MAGI2: variants seen among roughly 807,000 people sequenced by gnomAD.
MAGI2 encodes the protein membrane associated guanylate kinase, WW and PDZ domain containing 2.
A neutral mutation model predicts 133.3 loss-of-function variants in MAGI2; 35 were observed. That is an observed-to-expected ratio of 0.26 (90% CI 0.20 to 0.35). The LOEUF is 0.35. Among genes scored for constraint, MAGI2 ranks in the 10% least tolerant of loss-of-function variants. The pLI is 1.00. For missense variants in MAGI2, 1,636 were observed against 1,863.4 expected, an observed-to-expected ratio of 0.88 and a Z score of 2.25; for synonymous variants, 729 against 710.6, an observed-to-expected ratio of 1.03 and a Z score of -0.41.
intron 2 of MAGI2, among the ~76,000 whole-genome samples, chr7:78,735,699 A>T (rs529395316): frequency 2.6e-5 from 4 of 152,260 alleles, no homozygotes; most frequent in African/African-American, 9.6e-5. Flanking sequence ...ATGAGTTCTG[A>T]TTTATTTTCC....
intron 2 of MAGI2, among the ~76,000 whole-genome samples, chr7:78,932,358 C>A (rs1800201010): frequency 6.6e-6 from 1 of 152,084 alleles, no homozygotes; most frequent in South Asian, 2.1e-4. Context: ...CACAGGAATT[C>A]AAGTTGTTGG....
chr7:79,319,322 C>A (rs1838993234), intron 1 of MAGI2, among the ~76,000 whole-genome samples: 1 of 152,266 alleles, frequency 6.6e-6, no homozygotes, highest in South Asian at 2.1e-4. Context: ...ATTTCTATGG[C>A]ATGACTATTT....
rs145038270 is a variant in MAGI2, at chr7:79,436,853, C to T, written c.301+16167G>A. On this transcript the variant is annotated intron_variant, in intron 1 of 21. Transcript: ENST00000354212. ...CAGTAATCCCATTACTGGGTATATA[C>T]CTAACAAAAATAGATTGTTCTATCA... Among the ~76,000 whole-genome samples, 19 of 152,186 alleles carry T rather than the reference C, an allele frequency of 1.2e-4. No individual in the cohort carries two copies. The East Asian group carries it at 3.7e-3, about 29-fold the overall frequency.
chr7:79,376,909 T>C (rs972663349), intron 1 of MAGI2, among the ~76,000 whole-genome samples: 1 of 151,670 alleles, frequency 6.6e-6, no homozygotes, highest in Non-Finnish European at 1.5e-5. Context: ...TGCAGCTTCC[T>C]GTGTATGTGC....
intron 5 of MAGI2, among the ~76,000 whole-genome samples, chr7:78,496,660 C>G (rs933014594): frequency 2.0e-5 from 3 of 152,150 alleles, no homozygotes; most frequent in Admixed American, 6.6e-5. Flanking sequence ...AGTGAAAGAG[C>G]TCTGTGACCT....
At chr7:79,271,666 A>ATTTTTT (rs71518912) in intron 1 of MAGI2, among the ~76,000 whole-genome samples, 1 of 141,808 alleles carries the variant, frequency 7.1e-6, no homozygotes. Flanking sequence ...GGTGTGAGTG[A>ATTTTTT]TTTTTTTTTT....
At chr7:78,571,318 T>C (rs1353764628) in intron 3 of MAGI2, among the ~76,000 whole-genome samples, 1 of 152,234 alleles carries the variant, frequency 6.6e-6, no homozygotes, top group African/African-American at 2.4e-5. Context: ...CTTTGGCTCC[T>C]GTTCTCAGTT....
chr7:78,494,350 A>G (rs1336573092), intron 5 of MAGI2, among the ~76,000 whole-genome samples: 1 of 152,166 alleles, frequency 6.6e-6, no homozygotes, highest in Admixed American at 6.6e-5. Flanking sequence ...TAATCTACAT[A>G]TGAATATTTG....
At chr7:78,766,600 C>A (rs1354458929) in intron 2 of MAGI2, among the ~76,000 whole-genome samples, 1 of 152,192 alleles carries the variant, frequency 6.6e-6, no homozygotes, top group Non-Finnish European at 1.5e-5. Context: ...CTTAAACACT[C>A]TGAAGTTTGA....
At chr7:78,612,761 C>A (rs963760678) in intron 3 of MAGI2, among the ~76,000 whole-genome samples, 2 of 152,096 alleles carry the variant, frequency 1.3e-5, no homozygotes, top group Admixed American at 6.5e-5. Context: ...CCTCCGCCTC[C>A]CAGGTTCATG....
At chr7:79,246,401 G>T (rs1428018044) in intron 1 of MAGI2, among the ~76,000 whole-genome samples, 1 of 152,034 alleles carries the variant, frequency 6.6e-6, no homozygotes, top group African/African-American at 2.4e-5. Flanking sequence ...GAAAACTCAA[G>T]ATAACACAAA....
intron 2 of MAGI2, among the ~76,000 whole-genome samples, chr7:78,644,430 C>T (rs2150996040): frequency 6.6e-6 from 1 of 152,108 alleles, no homozygotes; most frequent in South Asian, 2.1e-4. Context: ...GTTTCAATGC[C>T]TTTATACAAG....
intron 1 of MAGI2, among the ~76,000 whole-genome samples, chr7:79,289,786 T>C (rs1441082595): frequency 6.6e-6 from 1 of 152,170 alleles, no homozygotes; most frequent in African/African-American, 2.4e-5. Flanking sequence ...GCAGTGTCAT[T>C]TTAGGAACCT....
chr7:78,051,715 G>T (rs554556716), intron 21 of MAGI2, among the ~76,000 whole-genome samples: 1 of 152,178 alleles, frequency 6.6e-6, no homozygotes, highest in East Asian at 1.9e-4. Flanking sequence ...CTCCCAAATA[G>T]CTGGGACTAT....
At chr7:78,621,719 G>C (rs532033283) in intron 3 of MAGI2, among the ~76,000 whole-genome samples, 2 of 151,968 alleles carry the variant, frequency 1.3e-5, no homozygotes, top group Non-Finnish European at 2.9e-5. Context: ...GGAAGTAACA[G>C]AATTGCTCTT....
intron 1 of MAGI2, among the ~76,000 whole-genome samples, chr7:79,161,405 C>T (rs540184954): frequency 8.5e-5 from 13 of 152,136 alleles, no homozygotes; most frequent in South Asian, 8.3e-4. Flanking sequence ...CTGTACTTTT[C>T]GATAACAATG....
Position 79,140,832 on chromosome 7 carries a change from A to T in MAGI2, c.302-133626T>A, listed in dbSNP as rs977745346. Among the ~76,000 whole-genome samples, 12 of 152,308 alleles carry T rather than the reference A, an allele frequency of 7.9e-5. No homozygotes were observed. In the East Asian group the frequency reaches 2.1e-3, roughly 27 times the overall value. On this transcript the variant is annotated intron_variant, in intron 1 of 21. Transcript: ENST00000354212. ...ACAGTATGTAATCACAATGTAAAAAATTACGAGATTATTTTAAGATATTTT... is the reference window on the plus strand; with the variant it reads ...ACAGTATGTAATCACAATGTAAAAATTTACGAGATTATTTTAAGATATTTT...
At chr7:78,134,955 T>A in intron 17 of MAGI2, 66 bp downstream of exon 17, 1 of 1,446,832 alleles carries the variant, frequency 6.9e-7, no homozygotes, top group Non-Finnish European at 9.6e-7. Context: ...GCGGGCAGGC[T>A]GAGAACACCC....
At chr7:78,354,163 G>A (rs1008108436) in intron 7 of MAGI2, among the ~76,000 whole-genome samples, 2 of 152,114 alleles carry the variant, frequency 1.3e-5, no homozygotes, top group African/African-American at 4.8e-5. Context: ...TGTTCCATGC[G>A]TATGAAAAAG....
Sources: gnomAD v4.1 joint callset for allele counts (sites outside exome capture counted in the v4.1 genomes callset) on GRCh38, gnomAD v4.1.1 for gene constraint, MANE v1.5 for transcripts, NCBI Gene and HGNC (gene_info 2026-07-23, HGNC 2026-07-21) for gene names.